The following CDH10 variants were observed in gnomAD, a reference collection of about 807,000 sequenced individuals.
CDH10 encodes cadherin-10.
A neutral mutation model predicts 73.1 loss-of-function variants in CDH10; 30 were observed. That is an observed-to-expected ratio of 0.41 (90% confidence interval 0.31 to 0.56). The LOEUF is 0.56. CDH10 is among the 20% of genes least tolerant of loss of function. The probability of loss-of-function intolerance (pLI) is 0.27; values close to 1 mark genes in which losing one functional copy is unlikely to be tolerated. For missense variants in CDH10, 815 were observed against 973.7 expected, an observed-to-expected ratio of 0.84 and a Z score of 2.17; for synonymous variants, 345 against 348.2, an observed-to-expected ratio of 0.99 and a Z score of 0.10.
chr5:24,575,873 T>G (rs2112038782), intron 2 of CDH10, among the ~76,000 whole-genome samples: 1 of 152,262 alleles, frequency 6.6e-6, no homozygotes, highest in South Asian at 2.1e-4. Context: ...ATTGTATATT[T>G]TATAAATAGC....
chr5:24,562,916 A>C (rs991536508), intron 2 of CDH10, among the ~76,000 whole-genome samples: 3 of 152,240 alleles, frequency 2.0e-5, no homozygotes, highest in African/African-American at 7.2e-5. Context: ...CAAGTTGTCA[A>C]CTTGATGAAT....
chr5:24,556,896 A>G (rs1412984454), intron 2 of CDH10, among the ~76,000 whole-genome samples: 1 of 151,838 alleles, frequency 6.6e-6, no homozygotes, highest in Non-Finnish European at 1.5e-5. Flanking sequence ...GATGTACACA[A>G]AAAGTATTTC....
At chr5:24,496,348 G>T (rs564909197) in intron 9 of CDH10, among the ~76,000 whole-genome samples, 1 of 152,158 alleles carries the variant, frequency 6.6e-6, no homozygotes, top group East Asian at 1.9e-4. Context: ...AGACAAGATA[G>T]AATGAAAAAC....
intron 2 of CDH10, among the ~76,000 whole-genome samples, chr5:24,540,697 T>A (rs540116695): frequency 2.2e-4 from 33 of 152,068 alleles, no homozygotes; most frequent in African/African-American, 7.7e-4. Context: ...AGAATTACTA[T>A]ACGATTTACT....
At chr5:24,605,586 G>A (rs1045938542) in intron 1 of CDH10, among the ~76,000 whole-genome samples, 9 of 152,192 alleles carry the variant, frequency 5.9e-5, no homozygotes, top group Admixed American at 1.3e-4. Flanking sequence ...CACTGATATA[G>A]AGTAATTGAA....
At chr5:24,518,255 T>C (rs1019043277) in intron 5 of CDH10, among the ~76,000 whole-genome samples, 1 of 152,098 alleles carries the variant, frequency 6.6e-6, no homozygotes, top group Non-Finnish European at 1.5e-5. Flanking sequence ...TATAGCTCAG[T>C]GAGAGTATAG....
chr5:24,498,607 C>T (rs1330148481), intron 8 of CDH10, 88 bp from the exon 9 acceptor site: 2 of 805,594 alleles, frequency 2.5e-6, no homozygotes, highest in Non-Finnish European at 2.1e-6. Context: ...GTATGAAGTG[C>T]TCACATACAA....
At chr5:24,529,627 A>G (rs956422344) in intron 5 of CDH10, among the ~76,000 whole-genome samples, 1 of 151,974 alleles carries the variant, frequency 6.6e-6, no homozygotes, top group Non-Finnish European at 1.5e-5. Flanking sequence ...TTACATAATA[A>G]ATATCATATC....
chr5:24,593,694 T>C (rs1746278044), intron 1 of CDH10, 81 bp from the exon 2 acceptor site: 1 of 526,432 alleles, frequency 1.9e-6, no homozygotes, highest in South Asian at 2.9e-5. Flanking sequence ...AAAGTGACAA[T>C]AGTTTATTAA....
At position 24,537,806 on chromosome 5, in the gene CDH10, C is replaced by A. The variant is rs1013077606; in HGVS notation, c.232-132G>T. ...GCTATCCTACTTCTTGAAATGAGAG[C>A]TGAATAAGTTTGATCACACGCATTT... On this transcript the variant is annotated intron_variant, in intron 2 of 11. Transcript: ENST00000264463. The A allele has an allele frequency of 5.0e-6, 3 of 596,032 alleles. No homozygotes were observed. The African/African-American group carries it at 5.6e-5, about 11-fold the overall frequency. The allele number at this position is 596,032 out of a possible 1,614,324, so 36.9% of individuals were successfully genotyped here.
At chr5:24,615,551 CA>C (rs1747099572) in intron 1 of CDH10, among the ~76,000 whole-genome samples, 1 of 152,188 alleles carries the variant, frequency 6.6e-6, no homozygotes, top group South Asian at 2.1e-4. Context: ...CGGAACAAAA[CA>C]GATAATATGT....
chr5:24,490,245 T>G (rs1471677486), intron 11 of CDH10, among the ~76,000 whole-genome samples: 1 of 152,110 alleles, frequency 6.6e-6, no homozygotes, highest in Non-Finnish European at 1.5e-5. Flanking sequence ...TTTGCAATTG[T>G]GGATTCAACT....
chr5:24,570,011 C>T (rs937051025), intron 2 of CDH10, among the ~76,000 whole-genome samples: 2 of 151,976 alleles, frequency 1.3e-5, no homozygotes, highest in Admixed American at 6.6e-5. Flanking sequence ...GGTGATCTGC[C>T]CGCCTCAGCC....
chr5:24,571,396 A>G (rs1378139361), intron 2 of CDH10, among the ~76,000 whole-genome samples: 2 of 152,276 alleles, frequency 1.3e-5, no homozygotes, highest in East Asian at 3.9e-4. Context: ...AGGGGTCAAC[A>G]GTAAGAAAAT....
At chr5:24,521,979 C>T (rs1012163913) in intron 5 of CDH10, among the ~76,000 whole-genome samples, 2 of 151,856 alleles carry the variant, frequency 1.3e-5, no homozygotes, top group African/African-American at 4.8e-5. Flanking sequence ...ACTAAAAATA[C>T]AAAAATTAGC....
intron 2 of CDH10, among the ~76,000 whole-genome samples, chr5:24,538,980 C>T (rs1744059639): frequency 6.6e-6 from 1 of 152,000 alleles, no homozygotes; most frequent in African/African-American, 2.4e-5. Flanking sequence ...GATTATGCTT[C>T]AACAAATTTT....
intron 1 of CDH10, among the ~76,000 whole-genome samples, chr5:24,640,591 A>T (rs937743265): frequency 1.2e-4 from 18 of 151,730 alleles, no homozygotes; most frequent in African/African-American, 3.9e-4. Flanking sequence ...AGTGCTTATA[A>T]TGTTTCTGAC....
At chr5:24,563,103 C>T (rs1334113506) in intron 2 of CDH10, among the ~76,000 whole-genome samples, 1 of 152,154 alleles carries the variant, frequency 6.6e-6, no homozygotes, top group African/African-American at 2.4e-5. Flanking sequence ...AAATAACCAC[C>T]TCAAATCATG....
At chr5:24,570,840 G>T (rs1351138848) in intron 2 of CDH10, among the ~76,000 whole-genome samples, 1 of 151,766 alleles carries the variant, frequency 6.6e-6, no homozygotes, top group Non-Finnish European at 1.5e-5. Context: ...AGCTCGTTTT[G>T]AGAATGATTT....
Sources: gnomAD v4.1 joint callset for allele counts (sites outside exome capture counted in the v4.1 genomes callset) on GRCh38, gnomAD v4.1.1 for gene constraint, MANE v1.5 for transcripts, NCBI Gene and HGNC (gene_info 2026-07-23, HGNC 2026-07-21) for gene names.